Variants in RAB37 observed in about 807,000 individuals in gnomAD.
The protein encoded by RAB37 is ras-related protein Rab-37.
Under a neutral mutation model 33.1 loss-of-function variants are expected in RAB37, and 29 were observed. The ratio of observed to expected loss-of-function variants is 0.88; its 90% CI spans 0.65 to 1.20. The LOEUF is 1.20. Ranked by LOEUF, RAB37 falls within the 50% of genes most tolerant of loss-of-function variation. The pLI is 0.00. For synonymous variants in RAB37, 128 were observed against 119.5 expected (o/e 1.07, Z -0.47); for missense variants, 299 against 301.1 (o/e 0.99, Z 0.05).
intron 1 of RAB37, among the ~76,000 whole-genome samples, chr17:74,722,172 A>C (rs2034250899): frequency 6.6e-6 from 1 of 151,728 alleles, no homozygotes; most frequent in South Asian, 2.1e-4. Context: ...AGTCCCAGAT[A>C]CTTGGGAGGC....
At chr17:74,691,477 A>G (rs919188266) in intron 1 of RAB37, among the ~76,000 whole-genome samples, 1 of 152,040 alleles carries the variant, frequency 6.6e-6, no homozygotes, top group Non-Finnish European at 1.5e-5. Context: ...GCCTGTAGAC[A>G]CCTTTTTTCA....
intron 1 of RAB37, among the ~76,000 whole-genome samples, chr17:74,714,661 C>T (rs1322295952): frequency 6.6e-6 from 1 of 152,212 alleles, no homozygotes; most frequent in African/African-American, 2.4e-5. Flanking sequence ...CTATTATCCC[C>T]TCGCTCCACC....
At position 74,685,954 on chromosome 17, in the gene RAB37, G is replaced by A. The variant is rs1311348925; in HGVS notation, c.72+14296G>A. Among the ~76,000 whole-genome samples, 6 of 152,274 alleles carry A rather than the reference G, an allele frequency of 3.9e-5. No individual in the cohort carries two copies. In the East Asian group the frequency reaches 1.2e-3, roughly 29 times the overall value. ...GAGGAGCAAACAACAGCATCCCCTG[G>A]GGATTTGCCTCCATCAACCCAAGTG... is the stretch of plus-strand genomic sequence containing the variant. On this transcript the variant is annotated intron_variant, in intron 1 of 7. Coordinates refer to the RAB37 transcript ENST00000340415.
At chr17:74,725,058 C>T (rs926872376) in intron 1 of RAB37, among the ~76,000 whole-genome samples, 1 of 152,166 alleles carries the variant, frequency 6.6e-6, no homozygotes, top group Admixed American at 6.5e-5. Context: ...CAAAAAGCTA[C>T]AAAATCAAGT....
chr17:74,704,113 C>T (rs756265381), intron 1 of RAB37, among the ~76,000 whole-genome samples: 3 of 152,194 alleles, frequency 2.0e-5, no homozygotes, highest in Non-Finnish European at 4.4e-5. Context: ...GCAGGACACA[C>T]CTGGGCACCA....
At chr17:74,735,639 T>C (rs920272180), upstream of RAB37, among the ~76,000 whole-genome samples, 6 of 152,092 alleles carry the variant, frequency 3.9e-5, no homozygotes, top group Non-Finnish European at 7.4e-5. Context: ...CTGCGCAGCC[T>C]CCACACTCCA....
Position 74,671,605 on chromosome 17 carries a change from G to T in RAB37, c.19G>T (p.Asp7Tyr). 2 of 1,614,196 alleles carry T rather than the reference G, an allele frequency of 1.2e-6. No individual in the cohort carries two copies. Among genetic ancestry groups the T allele is most frequent in the Middle Eastern group, 1.6e-4 (1 of 6,062 alleles). ...GCCTGGCATGGACCTGCAGAGACCC[G>T]ATTCCTACCAGGGAGGAGCTGGCCC... The change falls in exon 1 of 8, where the codon GAT (aspartate) becomes TAT (tyrosine). Residue 7 changes from aspartate to tyrosine, a missense_variant. By Grantham distance (160) the Asp-to-Tyr change is radical. Coordinates refer to the RAB37 transcript ENST00000340415. This position sits in a 1 kb window ranked among gnomAD's most constrained non-coding sequence, Gnocchi z 5.0.
At chr17:74,690,753 A>T (rs1457021751) in intron 1 of RAB37, among the ~76,000 whole-genome samples, 2 of 152,226 alleles carry the variant, frequency 1.3e-5, no homozygotes, top group African/African-American at 2.4e-5. Flanking sequence ...TATCAGGACC[A>T]CAAGGCAGAG....
At chr17:74,681,292 G>C (rs1184377077) in intron 1 of RAB37, among the ~76,000 whole-genome samples, 1 of 152,152 alleles carries the variant, frequency 6.6e-6, no homozygotes, top group Non-Finnish European at 1.5e-5. Flanking sequence ...GCTGATTGAC[G>C]GATCTGAGGG....
intron 1 of RAB37, chr17:74,703,189 C>T (rs62084869): frequency 6.7e-7 from 1 of 1,498,516 alleles, no homozygotes; most frequent in Non-Finnish European, 9.3e-7. Flanking sequence ...GATGCCCCTG[C>T]CCATGAGCCC....
At chr17:74,726,165 G>A (rs1303605476) in intron 1 of RAB37, among the ~76,000 whole-genome samples, 1 of 151,036 alleles carries the variant, frequency 6.6e-6, no homozygotes, top group Non-Finnish European at 1.5e-5. Flanking sequence ...AACTCGGGAG[G>A]CAAAGGTTAT....
At chr17:74,681,265 C>G (rs2031949568) in intron 1 of RAB37, among the ~76,000 whole-genome samples, 1 of 152,194 alleles carries the variant, frequency 6.6e-6, no homozygotes, top group Admixed American at 6.5e-5. Flanking sequence ...CTCGAGGCTG[C>G]CAACTTCTGG....
chr17:74,705,390 T>C, intron 1 of RAB37: 1 of 567,284 alleles, frequency 1.8e-6, no homozygotes, highest in Non-Finnish European at 3.2e-6. Context: ...ATAGGATCCA[T>C]ACAACACAGA....
chr17:74,743,403 G>A (rs537594326), intron 5 of RAB37, 63 bp downstream of exon 5: 4 of 1,557,196 alleles, frequency 2.6e-6, no homozygotes, highest in Admixed American at 3.3e-5. Context: ...ATGCAGGCTG[G>A]GGTTGCTTCC....
intron 1 of RAB37, among the ~76,000 whole-genome samples, chr17:74,708,580 T>C (rs995799664): frequency 3.9e-5 from 6 of 152,152 alleles, no homozygotes; most frequent in Admixed American, 6.5e-5. Context: ...TATCACCAAG[T>C]TGGGTTTATG....
chr17:74,714,396 AACAC>A (rs3046673), intron 1 of RAB37, among the ~76,000 whole-genome samples: 1,886 of 137,930 alleles, frequency 0.014, 17 homozygotes, highest in African/African-American at 0.032. Flanking sequence ...TGTCTCTTTA[AACAC>A]ACACACACAC....
At chr17:74,712,672 C>T (rs1321576884) in intron 1 of RAB37, 17 of 759,960 alleles carry the variant, frequency 2.2e-5, no homozygotes, top group East Asian at 1.1e-4. Flanking sequence ...GCCTTGGCAA[C>T]GGAAATGCTA....
intron 2 of RAB37, among the ~76,000 whole-genome samples, chr17:74,731,740 G>A (rs2034386110): frequency 6.6e-6 from 1 of 152,156 alleles, no homozygotes; most frequent in Non-Finnish European, 1.5e-5. Flanking sequence ...AGGCGTGGTG[G>A]CTCACACCTG....
At position 74,740,791 on chromosome 17, in the gene RAB37, C is replaced by G. The variant is rs764934628; in HGVS notation, c.117C>G (p.Gly39=). The change falls in exon 2 of 9, where the codon GGC becomes GGG. Residue 39 remains glycine (G), a synonymous_variant. Transcript: ENST00000392613. ...AGGTGATGCTTCTGGGAGACACAGG[C>G]GTCGGCAAAACATGTTTCCTGATCC... ...TGKVMLLGDT[G]VGKTCFLIQF... 1.2e-6 allele frequency: 2 copies of G among 1,614,022 alleles called. No individual in the cohort carries two copies. The highest frequency in any genetic ancestry group is 1.7e-6 in the Non-Finnish European group (2 of 1,179,908).
Sources: gnomAD v4.1 joint callset for allele counts (sites outside exome capture counted in the v4.1 genomes callset) on GRCh38, gnomAD v4.1.1 for gene constraint, Gnocchi (gnomAD v3.1) non-coding constraint, MANE v1.5 for transcripts, NCBI Gene and HGNC (gene_info 2026-07-23, HGNC 2026-07-21) for gene names.